CAMTA1: variants seen among roughly 807,000 people sequenced by gnomAD.
CAMTA1 encodes the protein calmodulin binding transcription activator 1, also known as calmodulin-binding transcription activator 1.
In CAMTA1, 27 loss-of-function variants were observed where a neutral mutation model predicts 170.9. That is an observed-to-expected ratio of 0.16 (90% CI 0.12 to 0.22). The LOEUF (loss-of-function observed/expected upper bound fraction) is 0.22. Ranked by LOEUF, CAMTA1 falls within the 10% of genes least tolerant of loss-of-function variation. The pLI is 1.00. For synonymous variants in CAMTA1, 833 were observed against 891.5 expected, an observed-to-expected ratio of 0.93 and a Z score of 1.17; for missense variants, 1,619 against 2,217.2, an observed-to-expected ratio of 0.73 and a Z score of 5.42.
intron 5 of CAMTA1, among the ~76,000 whole-genome samples, chr1:7,285,058 C>CA (rs1370154796): frequency 6.6e-6 from 1 of 152,184 alleles, no homozygotes; most frequent in Non-Finnish European, 1.5e-5. Context: ...GCTGGCCCTC[C>CA]AAGGCTCCTT....
intron 5 of CAMTA1, among the ~76,000 whole-genome samples, chr1:7,447,927 A>G (rs1334828155): frequency 6.6e-6 from 1 of 152,202 alleles, no homozygotes; most frequent in African/African-American, 2.4e-5. Context: ...TCACATGGCA[A>G]TCAATCCAGG....
rs531008429 is a variant in CAMTA1 at position 7,635,077 on chromosome 1, A to T, written c.511-5323A>T. Among the ~76,000 whole-genome samples, 8 of 152,290 alleles carry T rather than the reference A, an allele frequency of 5.3e-5. No homozygotes were observed. The highest frequency in any genetic ancestry group is 1.9e-4 in the African/African-American group (8 of 41,566). On this transcript the variant is annotated intron_variant, in intron 6 of 22. Transcript: ENST00000303635. This position sits in a 1 kb window ranked among gnomAD's most constrained non-coding sequence, Gnocchi z 4.4. The stretch of plus-strand genomic sequence containing the variant: ...CCATGCCACGGGGCTCTCTCTCCCC[A>T]GCCTTTGGCACTGACCAGGCCTCCA...
intron 5 of CAMTA1, among the ~76,000 whole-genome samples, chr1:7,383,011 G>A (rs2149076894): frequency 6.6e-6 from 1 of 152,290 alleles, no homozygotes; most frequent in Admixed American, 6.5e-5. Flanking sequence ...TAAACACTGG[G>A]AATATAATGA....
At chr1:7,576,505 C>T (rs138904474) in intron 6 of CAMTA1, among the ~76,000 whole-genome samples, 51 of 152,256 alleles carry the variant, frequency 3.3e-4, no homozygotes, top group African/African-American at 1.1e-3. Flanking sequence ...GACCTTCCAC[C>T]GTGTGAGGAC....
Position 6,926,476 on chromosome 1 carries a change from CTT to C in CAMTA1, c.234+101268_234+101269del, listed in dbSNP as rs1396645181. On this transcript the variant is annotated intron_variant, in intron 3 of 22. Coordinates refer to ENST00000303635, the MANE Select transcript of CAMTA1 (RefSeq NM_015215.4). ...TCTTTCTTTCTTTCTTTCTTTCTTT[CTT>C]TCTTTCTTTCTCTCTCTCTTTTCTT... Among the ~76,000 whole-genome samples, 11 of 137,278 alleles carry C rather than the reference CTT, an allele frequency of 8.0e-5. No homozygotes were observed. In the Middle Eastern group the frequency reaches 0.011, roughly 140 times the overall value. 90.1% of individuals were successfully genotyped at this position (137,278 alleles called of 152,430 possible).
chr1:7,590,291 C>A (rs563278222), intron 6 of CAMTA1, among the ~76,000 whole-genome samples: 1 of 152,162 alleles, frequency 6.6e-6, no homozygotes. Context: ...GAGCCTCTTA[C>A]GTGGAAGCAG....
intron 4 of CAMTA1, among the ~76,000 whole-genome samples, chr1:7,125,281 A>C (rs1573263783): frequency 6.6e-6 from 1 of 152,284 alleles, no homozygotes; most frequent in Middle Eastern, 3.4e-3. Flanking sequence ...CTAAGGGAGC[A>C]GACTGTATTC....
chr1:6,898,012 G>A (rs1234474739), intron 3 of CAMTA1, among the ~76,000 whole-genome samples: 1 of 152,128 alleles, frequency 6.6e-6, no homozygotes, highest in Non-Finnish European at 1.5e-5. Context: ...AGTGGTATCT[G>A]AAAAACCCTA....
chr1:7,407,552 C>T (rs1326861617), intron 5 of CAMTA1, among the ~76,000 whole-genome samples: 1 of 152,162 alleles, frequency 6.6e-6, no homozygotes, highest in Non-Finnish European at 1.5e-5. Context: ...CTGTGTTGGC[C>T]TCACCTCCCC....
chr1:7,376,034 G>T (rs2086820041), intron 5 of CAMTA1, among the ~76,000 whole-genome samples: 2 of 152,170 alleles, frequency 1.3e-5, no homozygotes, highest in South Asian at 4.1e-4. Flanking sequence ...CAGACTAAGA[G>T]CCCCTGAGTC....
chr1:6,986,806 A>G (rs994248779), intron 3 of CAMTA1, among the ~76,000 whole-genome samples: 3 of 152,134 alleles, frequency 2.0e-5, no homozygotes, highest in Non-Finnish European at 2.9e-5. Flanking sequence ...CAAACCTCCC[A>G]GGTTTGGAGC....
chr1:7,740,640 G>C (rs185628566), intron 16 of CAMTA1, among the ~76,000 whole-genome samples: 1 of 152,278 alleles, frequency 6.6e-6, no homozygotes, highest in Non-Finnish European at 1.5e-5. Flanking sequence ...ATGTGGAATC[G>C]GGCACTTGAT....
At chr1:7,398,646 A>G (rs912425420) in intron 5 of CAMTA1, among the ~76,000 whole-genome samples, 1 of 152,096 alleles carries the variant, frequency 6.6e-6, no homozygotes, top group Non-Finnish European at 1.5e-5. Context: ...TCAATTTATT[A>G]TTGATAGGTA....
At chr1:6,967,356 G>A (rs1390323147) in intron 3 of CAMTA1, among the ~76,000 whole-genome samples, 2 of 152,072 alleles carry the variant, frequency 1.3e-5, no homozygotes, top group East Asian at 1.9e-4. Context: ...GGAGTGAGAT[G>A]GGGTGGGGTG....
chr1:7,567,752 A>C (rs2095060757), intron 6 of CAMTA1, among the ~76,000 whole-genome samples: 1 of 152,170 alleles, frequency 6.6e-6, no homozygotes, highest in Non-Finnish European at 1.5e-5. Flanking sequence ...TCAGATGGGC[A>C]GTCAGTCTAT....
At chr1:6,794,880 C>CTTTTTTTTTG (rs1642072105) in intron 1 of CAMTA1, among the ~76,000 whole-genome samples, 1 of 141,902 alleles carries the variant, frequency 7.0e-6, no homozygotes, top group African/African-American at 2.7e-5. Context: ...TAGATAAAGG[C>CTTTTTTTTTG]TTTTTTTTTG....
intron 3 of CAMTA1, among the ~76,000 whole-genome samples, chr1:6,841,090 G>A (rs1024639706): frequency 2.0e-5 from 3 of 152,138 alleles, no homozygotes; most frequent in African/African-American, 7.2e-5. Context: ...TCCTTGGCTT[G>A]TGGCTCCCTC....
At chr1:7,439,654 G>A (rs1004814712) in intron 5 of CAMTA1, among the ~76,000 whole-genome samples, 19 of 152,202 alleles carry the variant, frequency 1.2e-4, no homozygotes, top group African/African-American at 4.1e-4. Flanking sequence ...CAGAGTGCAG[G>A]CCCATAGGCC....
At chr1:7,733,855 C>G (rs777880665) in intron 12 of CAMTA1, among the ~76,000 whole-genome samples, 5 of 152,148 alleles carry the variant, frequency 3.3e-5, no homozygotes, top group Non-Finnish European at 7.3e-5. Context: ...AGCCTCCTTC[C>G]TCCCCGTGTT....
Sources: gnomAD v4.1 joint callset for allele counts (sites outside exome capture counted in the v4.1 genomes callset) on GRCh38, gnomAD v4.1.1 for gene constraint, Gnocchi (gnomAD v3.1) non-coding constraint, MANE v1.5 for transcripts, NCBI Gene and HGNC (gene_info 2026-07-23, HGNC 2026-07-21) for gene names.